DNAH8: variants seen among roughly 807,000 people sequenced by gnomAD.
DNAH8 encodes axonemal beta dynein heavy chain 8.
A neutral mutation model predicts 562.1 loss-of-function variants in DNAH8; 382 were observed. The ratio of observed to expected loss-of-function variants is 0.68; its 90% CI spans 0.63 to 0.74. DNAH8 has a LOEUF of 0.74. Ranked by LOEUF, DNAH8 falls within the 30% of genes least tolerant of loss-of-function variation. DNAH8 has a pLI of 0.00. For synonymous variants in DNAH8, 1,881 were observed against 1,919.4 expected (o/e 0.98, Z 0.52); for missense variants, 5,203 against 5,620.4 (o/e 0.93, Z 2.37).
chr6:38,977,410 T>C (rs957332873), intron 85 of DNAH8, among the ~76,000 whole-genome samples: 2 of 152,200 alleles, frequency 1.3e-5, no homozygotes, highest in African/African-American at 4.8e-5. Context: ...GTCTCTGCTT[T>C]TGCCAGTGGC....
In DNAH8 at chr6:38,774,201, T is replaced by A. The variant is rs965204747; in HGVS notation, c.1765-1553T>A. Reference sequence around the variant, plus strand: ...CTCTATCTTCAGTTTTGTTTTCTTCTCACCCTGAACATTTGTGGGAGAGAA... The same window carrying A: ...CTCTATCTTCAGTTTTGTTTTCTTCACACCCTGAACATTTGTGGGAGAGAA... On this transcript the variant is annotated intron_variant, in intron 12 of 92. Coordinates refer to ENST00000327475, the MANE Select transcript of DNAH8 (RefSeq NM_001206927.2). 2.6e-5 allele frequency among the ~76,000 whole-genome samples: 4 copies of A among 152,174 alleles called. No individual in the cohort carries two copies. In the South Asian group the frequency reaches 8.3e-4, roughly 32 times the overall value.
chr6:38,739,696 G>A (rs189681312), intron 7 of DNAH8, among the ~76,000 whole-genome samples: 1 of 152,140 alleles, frequency 6.6e-6, no homozygotes, highest in Non-Finnish European at 1.5e-5. Flanking sequence ...GCCTTAAAAT[G>A]TCCTTGCGTT....
At chr6:38,875,883 A>G in intron 53 of DNAH8, 55 bp downstream of exon 53, 2 of 1,105,204 alleles carry the variant, frequency 1.8e-6, no homozygotes, top group South Asian at 1.4e-5. Context: ...ATGAGAAAAT[A>G]TAAGCTTTCA....
chr6:38,967,821 CA>C (rs1487027224), intron 82 of DNAH8, among the ~76,000 whole-genome samples: 8 of 152,198 alleles, frequency 5.3e-5, no homozygotes, highest in Non-Finnish European at 1.0e-4. Flanking sequence ...ATAACTAAAA[CA>C]ATCTTGAAAA....
At chr6:38,761,924 T>C (rs1023546810) in intron 11 of DNAH8, 121 bp downstream of exon 11, 2 of 511,712 alleles carry the variant, frequency 3.9e-6, no homozygotes, top group Non-Finnish European at 6.9e-6. Flanking sequence ...GTTGAGAATA[T>C]AAAAAGAATA....
intron 85 of DNAH8, among the ~76,000 whole-genome samples, chr6:38,976,877 T>C (rs771269497): frequency 3.9e-5 from 6 of 152,144 alleles, no homozygotes; most frequent in Non-Finnish European, 8.8e-5. Context: ...GAAAAAAGAA[T>C]TAGGCACAGG....
rs531410018 is a variant in DNAH8, at chr6:38,984,480, AC to A, written c.13053+174del. ...CACACGCACACACATGCACACACAC[AC>A]ACACACACACACACAACAACCAGCA... On this transcript the variant is annotated intron_variant, in intron 87 of 92. Coordinates refer to ENST00000327475, the MANE Select transcript of DNAH8 (RefSeq NM_001206927.2). The A allele has an allele frequency of 1.9e-3, 1,085 of 564,552 alleles. 9 individuals are homozygous for A. The highest frequency in any genetic ancestry group is 0.019 in the African/African-American group (987 of 52,690). 35.0% of individuals were successfully genotyped at this position (564,552 alleles called of 1,614,324 possible).
At chr6:38,983,610 C>G (rs1329133912) in intron 86 of DNAH8, among the ~76,000 whole-genome samples, 1 of 152,094 alleles carries the variant, frequency 6.6e-6, no homozygotes. Flanking sequence ...TCTCGTAACT[C>G]AAATGTATCA....
chr6:38,863,043 C>T (rs1340167794), intron 44 of DNAH8, among the ~76,000 whole-genome samples: 1 of 152,152 alleles, frequency 6.6e-6, no homozygotes, highest in Non-Finnish European at 1.5e-5. Context: ...AGAATTATAT[C>T]TCTAGCTCGG....
rs1307390159 is a variant in DNAH8 at position 39,021,387 on chromosome 6, C to G, written c.13715-5159C>G. On this transcript the variant is annotated intron_variant, in intron 91 of 92. Transcript: ENST00000327475. ...AACATTAAAGTCTGAGAATCCCTGC[C>G]TTAAAACAAATCTGGTGCCTGGGTT... Among the ~76,000 whole-genome samples the G allele has an allele frequency of 2.0e-5, 3 of 152,312 alleles. No individual in the cohort carries two copies. In the South Asian group the frequency reaches 6.2e-4, roughly 32 times the overall value.
chr6:38,808,696 C>T (rs1456306201), intron 24 of DNAH8, among the ~76,000 whole-genome samples: 1 of 152,136 alleles, frequency 6.6e-6, no homozygotes, highest in Non-Finnish European at 1.5e-5. Context: ...AACCCAAATG[C>T]CCATCAGTGA....
Position 38,924,748 on chromosome 6 carries a change from C to T in DNAH8, c.10962+586C>T, listed in dbSNP as rs139406137. 2.6e-5 allele frequency among the ~76,000 whole-genome samples: 4 copies of T among 152,298 alleles called. No homozygotes were observed. In the East Asian group the frequency reaches 7.7e-4, roughly 29 times the overall value. On this transcript the variant is annotated intron_variant, in intron 73 of 92. Coordinates refer to ENST00000327475, the MANE Select transcript of DNAH8 (RefSeq NM_001206927.2). ...ATAACTCTTCATTATTTACACCACTCCTGTGAAGTCATACTCTCTTTCAAA... is the reference window on the plus strand; with the variant it reads ...ATAACTCTTCATTATTTACACCACTTCTGTGAAGTCATACTCTCTTTCAAA...
intron 27 of DNAH8, 82 bp from the exon 28 acceptor site, chr6:38,823,480 G>A: frequency 9.1e-7 from 1 of 1,095,034 alleles, no homozygotes; most frequent in Non-Finnish European, 1.4e-6. Context: ...AAATGTGTAT[G>A]AGCAAATGCA....
At chr6:38,929,012 C>A (rs778070266) in intron 74 of DNAH8, among the ~76,000 whole-genome samples, 2 of 152,150 alleles carry the variant, frequency 1.3e-5, no homozygotes, top group Non-Finnish European at 2.9e-5. Context: ...GTGTTAAATT[C>A]TTCCCAGTGC....
chr6:38,735,993 C>T (rs542137061), intron 5 of DNAH8, among the ~76,000 whole-genome samples: 13 of 152,184 alleles, frequency 8.5e-5, no homozygotes, highest in Admixed American at 5.9e-4. Context: ...AAAAAATCAG[C>T]TGGGTGTGGT....
chr6:38,974,669 T>A (rs1763557557), intron 85 of DNAH8, 140 bp downstream of exon 85: 2 of 659,556 alleles, frequency 3.0e-6, no homozygotes. Flanking sequence ...TTTCCCCACC[T>A]GGTATAGTGT....
chr6:38,849,765 T>A (rs973844657), intron 37 of DNAH8, among the ~76,000 whole-genome samples: 1 of 152,120 alleles, frequency 6.6e-6, no homozygotes, highest in Non-Finnish European at 1.5e-5. Flanking sequence ...AATAGAAAAT[T>A]TTCACTTGCG....
chr6:39,004,386 A>G (rs557619789), intron 88 of DNAH8, among the ~76,000 whole-genome samples: 8 of 152,276 alleles, frequency 5.3e-5, no homozygotes, highest in Middle Eastern at 6.8e-3. Context: ...AGACTTACCT[A>G]TGCATTGGCC....
intron 20 of DNAH8, 33 bp from the exon 21 acceptor site, chr6:38,791,522 A>T: frequency 6.3e-7 from 1 of 1,584,612 alleles, no homozygotes; most frequent in Non-Finnish European, 8.6e-7. Flanking sequence ...AGGAAAGAAG[A>T]GTTTTTTTTT....
Sources: gnomAD v4.1 joint callset for allele counts (sites outside exome capture counted in the v4.1 genomes callset) on GRCh38, gnomAD v4.1.1 for gene constraint, MANE v1.5 for transcripts, NCBI Gene and HGNC (gene_info 2026-07-23, HGNC 2026-07-21) for gene names.